PHIP: variants seen among roughly 807,000 people sequenced by gnomAD.
PHIP encodes PH-interacting protein.
Under a neutral mutation model 236.8 loss-of-function variants are expected in PHIP, and 54 were observed. That is an observed-to-expected ratio of 0.23 (90% CI 0.18 to 0.29). The LOEUF (loss-of-function observed/expected upper bound fraction) is 0.29. PHIP is among the 10% of genes least tolerant of loss of function. The pLI, the probability that PHIP is intolerant of heterozygous loss-of-function variation, is 1.00. For synonymous variants in PHIP, 756 were observed against 718.9 expected, an observed-to-expected ratio of 1.05 and a Z score of -0.83; for missense variants, 1,370 against 2,190.8, an observed-to-expected ratio of 0.63 and a Z score of 7.48.
intron 4 of PHIP, among the ~76,000 whole-genome samples, chr6:79,070,839 T>C (rs1304591748): frequency 1.3e-5 from 2 of 152,208 alleles, no homozygotes; most frequent in Admixed American, 6.5e-5. Flanking sequence ...ATTGTTACAA[T>C]GTATTTTAAA....
In PHIP at chr6:78,997,556, C is replaced by T. The variant is rs369533112; in HGVS notation, c.2059G>A (p.Val687Ile). The T allele has an allele frequency of 1.5e-5, 25 of 1,613,686 alleles. No individual in the cohort carries two copies. The highest frequency in any genetic ancestry group is 1.6e-4 in the Middle Eastern group (1 of 6,078). The change falls in exon 19 of 40, where the codon GTA becomes ATA. Residue 687 changes from valine (V) to isoleucine (I), a missense_variant. Coordinates refer to ENST00000275034, the MANE Select transcript of PHIP (RefSeq NM_017934.7). ...ATTTGTCCACTACGTCTTAGTCCTA[C>T]GTTTGGTGGTGAATGAACCTCTGAG... The part of the protein sequence containing the change: ...STSEVHSPPN[V>I]GLRRSGQIEG...
intron 34 of PHIP, 59 bp from the exon 35 acceptor site, chr6:78,955,022 CT>C (rs1178236388): frequency 2.4e-6 from 3 of 1,242,168 alleles, no homozygotes; most frequent in Non-Finnish European, 3.3e-6. Flanking sequence ...AAAATTTGTA[CT>C]TTTAATGTAG....
intron 30 of PHIP, among the ~76,000 whole-genome samples, chr6:78,962,084 A>G (rs981614253): frequency 6.6e-6 from 1 of 152,196 alleles, no homozygotes; most frequent in Non-Finnish European, 1.5e-5. Context: ...CCTAATAAGT[A>G]CACATACATT....
chr6:78,946,677 G>T (rs765773732), intron 37 of PHIP, 34 bp downstream of exon 37: 6 of 1,504,010 alleles, frequency 4.0e-6, no homozygotes, highest in African/African-American at 1.5e-5. Flanking sequence ...GAAAGTTATA[G>T]ATCAGCTAGT....
chr6:79,039,211 A>G (rs1772089472), intron 7 of PHIP, among the ~76,000 whole-genome samples: 1 of 152,202 alleles, frequency 6.6e-6, no homozygotes, highest in Non-Finnish European at 1.5e-5. Flanking sequence ...CCCACTATTT[A>G]GCAGGTCACA....
intron 7 of PHIP, among the ~76,000 whole-genome samples, chr6:79,028,888 A>C (rs752727933): frequency 5.1e-4 from 78 of 152,212 alleles, no homozygotes; most frequent in Non-Finnish European, 9.8e-4. Flanking sequence ...ACAAATAAAA[A>C]CACCAGTCTT....
At position 78,970,241 on chromosome 6, in the gene PHIP, T is replaced by G. The variant is rs531036132; in HGVS notation, c.2998-68A>C. The G allele has an allele frequency of 5.7e-6, 8 of 1,394,040 alleles. No homozygotes were observed. The East Asian group carries it at 1.6e-4, about 28-fold the overall frequency. The allele number at this position is 1,394,040 out of a possible 1,614,324, so 86.4% of individuals were successfully genotyped here. The stretch of plus-strand genomic sequence containing the variant: ...AACCACAAAATAGACTGCTAAACAT[T>G]GTTGAGAAAAAACTTCTTGGTTTAA... On this transcript the variant is annotated intron_variant, in intron 25 of 39. Transcript: ENST00000275034.
chr6:79,063,486 G>C (rs1773482377), intron 4 of PHIP, among the ~76,000 whole-genome samples: 1 of 152,098 alleles, frequency 6.6e-6, no homozygotes, highest in African/African-American at 2.4e-5. Context: ...GCGGGATCTC[G>C]GCTCACTGCA....
rs1769819371 is a variant in PHIP, at chr6:78,998,977, T to C, written c.1880-586A>G. 2.0e-5 allele frequency among the ~76,000 whole-genome samples: 3 copies of C among 152,238 alleles called. No individual in the cohort carries two copies. The South Asian group carries it at 6.2e-4, about 32-fold the overall frequency. ...AAGTAAACAATAACCCAGGAGTTAA[T>C]ACAGAGTATGAAAGAGAGGTGTTGA... On this transcript the variant is annotated intron_variant, in intron 17 of 39. Coordinates refer to ENST00000275034, the MANE Select transcript of PHIP (RefSeq NM_017934.7).
intron 15 of PHIP, among the ~76,000 whole-genome samples, chr6:79,012,286 A>C (rs939268123): frequency 6.6e-6 from 1 of 151,778 alleles, no homozygotes; most frequent in Non-Finnish European, 1.5e-5. Context: ...AGTATTTAAG[A>C]AATTTGTACT....
intron 7 of PHIP, among the ~76,000 whole-genome samples, chr6:79,038,106 T>A (rs1772031447): frequency 6.6e-6 from 1 of 152,234 alleles, no homozygotes. Context: ...TGCACTGCAA[T>A]TTCATTCCTA....
intron 23 of PHIP, among the ~76,000 whole-genome samples, chr6:78,979,689 G>A (rs538783373): frequency 1.3e-5 from 2 of 152,032 alleles, no homozygotes; most frequent in East Asian, 3.9e-4. Flanking sequence ...ATTTTTACAA[G>A]TAAAAAAAGT....
intron 6 of PHIP, among the ~76,000 whole-genome samples, chr6:79,056,259 C>T (rs140666082): frequency 5.3e-4 from 81 of 152,204 alleles, no homozygotes; most frequent in African/African-American, 1.8e-3. Context: ...ATTTGTACAA[C>T]GTACAGAAAA....
intron 7 of PHIP, among the ~76,000 whole-genome samples, chr6:79,028,156 G>C (rs1383757250): frequency 2.0e-5 from 3 of 152,110 alleles, no homozygotes; most frequent in Non-Finnish European, 4.4e-5. Context: ...AGGTAATTTA[G>C]AGTGTGAGGT....
chr6:79,058,829 C>T (rs1019571297), intron 6 of PHIP, among the ~76,000 whole-genome samples: 6 of 152,172 alleles, frequency 3.9e-5, no homozygotes, highest in South Asian at 4.1e-4. Flanking sequence ...ACAAGCATAA[C>T]GTGTTCTCCT....
intron 15 of PHIP, among the ~76,000 whole-genome samples, chr6:79,014,699 G>A (rs1184307468): frequency 3.3e-5 from 5 of 151,728 alleles, no homozygotes; most frequent in Admixed American, 3.3e-4. Flanking sequence ...GTGTACTTGA[G>A]TAAAATTCTA....
intron 6 of PHIP, among the ~76,000 whole-genome samples, chr6:79,054,120 A>G (rs1248187312): frequency 2.0e-5 from 3 of 151,900 alleles, no homozygotes; most frequent in African/African-American, 7.2e-5. Flanking sequence ...CCCTAAAAAA[A>G]AAAAAAATGC....
chr6:79,065,764 C>CCACACACACACACA (rs58570604), intron 4 of PHIP, among the ~76,000 whole-genome samples: 1 of 143,380 alleles, frequency 7.0e-6, no homozygotes, highest in South Asian at 2.3e-4. Context: ...CTTAACTATA[C>CCACACACACACACA]CACACACACA....
chr6:79,077,608 G>T (rs1774241658), intron 3 of PHIP, 92 bp downstream of exon 3: 1 of 848,830 alleles, frequency 1.2e-6, no homozygotes, highest in Non-Finnish European at 1.4e-6. Context: ...CGAGCCCCGC[G>T]CCCCGCGCCC....
Sources: gnomAD v4.1 joint callset for allele counts (sites outside exome capture counted in the v4.1 genomes callset) on GRCh38, gnomAD v4.1.1 for gene constraint, MANE v1.5 for transcripts, NCBI Gene and HGNC (gene_info 2026-07-23, HGNC 2026-07-21) for gene names.